The following DLG2 variants were observed in gnomAD, a reference collection of about 807,000 sequenced individuals.
DLG2 encodes the protein discs large MAGUK scaffold protein 2.
In DLG2, 45 loss-of-function variants were observed where a neutral mutation model predicts 132.5. That is an observed-to-expected ratio of 0.34 (90% CI 0.27 to 0.44). The LOEUF is 0.44. Ranked by LOEUF, DLG2 falls within the 20% of genes least tolerant of loss-of-function variation. The probability of loss-of-function intolerance (pLI) is 1.00; values close to 1 mark genes in which losing one functional copy is unlikely to be tolerated. For missense variants in DLG2, 1,045 were observed against 1,196.9 expected (o/e 0.87, Z 1.87); for synonymous variants, 424 against 419.6 (o/e 1.01, Z -0.13).
At position 84,307,512 on chromosome 11, in the gene DLG2, C is replaced by T. The variant is rs536380014; in HGVS notation, c.520-56221G>A. On this transcript the variant is annotated intron_variant, in intron 7 of 27. Transcript: ENST00000376104. ...GAGATCCAGACCATCCTGGCTAACA[C>T]GGTGAAACCCTGTCTCTACTAAAAC... 2.1e-3 allele frequency among the ~76,000 whole-genome samples: 314 copies of T among 152,064 alleles called. 21 individuals carry two copies. The South Asian group carries it at 0.063, about 31-fold the overall frequency.
intron 15 of DLG2, among the ~76,000 whole-genome samples, chr11:83,910,017 T>C (rs1344040881): frequency 6.6e-6 from 1 of 152,184 alleles, no homozygotes; most frequent in African/African-American, 2.4e-5. Flanking sequence ...TATGCTAGGC[T>C]CTAAAAACAG....
At chr11:83,488,724 T>G in intron 21 of DLG2, among the ~76,000 whole-genome samples, 1 of 152,024 alleles carries the variant, frequency 6.6e-6, no homozygotes, top group East Asian at 1.9e-4. Flanking sequence ...GATACGTCTT[T>G]TCTGTGACCC....
chr11:85,124,202 T>G (rs2074785330), intron 5 of DLG2, among the ~76,000 whole-genome samples: 1 of 152,260 alleles, frequency 6.6e-6, no homozygotes, highest in Admixed American at 6.5e-5. Context: ...GGATGTTCTT[T>G]GCCAAGACCT....
chr11:85,362,360 G>GT (rs1275460704), intron 3 of DLG2, among the ~76,000 whole-genome samples: 7 of 152,002 alleles, frequency 4.6e-5, no homozygotes, highest in Non-Finnish European at 8.8e-5. Context: ...TTGTTTTTGG[G>GT]TTTTTTGGGT....
intron 7 of DLG2, among the ~76,000 whole-genome samples, chr11:84,302,541 T>C (rs1036870881): frequency 2.0e-5 from 3 of 152,288 alleles, no homozygotes; most frequent in East Asian, 3.9e-4. Flanking sequence ...AAAATTTGTA[T>C]CTTTCACTGA....
intron 6 of DLG2, among the ~76,000 whole-genome samples, chr11:85,054,644 C>A (rs1400583665): frequency 6.6e-6 from 1 of 152,196 alleles, no homozygotes; most frequent in Non-Finnish European, 1.5e-5. Context: ...TGGATAAAGA[C>A]AATGTGCTAC....
At chr11:84,039,319 C>G (rs1300356549) in intron 11 of DLG2, among the ~76,000 whole-genome samples, 1 of 150,136 alleles carries the variant, frequency 6.7e-6, no homozygotes, top group Admixed American at 6.7e-5. Flanking sequence ...GCTGCACCCA[C>G]TAACTCGTCA....
intron 19 of DLG2, among the ~76,000 whole-genome samples, chr11:83,543,291 G>T (rs78538180): frequency 0.019 from 2,917 of 152,278 alleles, 95 homozygotes; most frequent in African/African-American, 0.065. Flanking sequence ...GCCCACTCCT[G>T]AAGCTATCAC....
chr11:84,159,707 G>GA (rs2095504475), intron 9 of DLG2, among the ~76,000 whole-genome samples: 2 of 152,046 alleles, frequency 1.3e-5, no homozygotes, highest in South Asian at 4.1e-4. Flanking sequence ...TTAACATTTT[G>GA]AAAAAAGATA....
chr11:85,493,796 A>G (rs2093614459), intron 3 of DLG2, among the ~76,000 whole-genome samples: 1 of 144,058 alleles, frequency 6.9e-6, no homozygotes, highest in African/African-American at 2.6e-5. Context: ...GGGAGGAAGG[A>G]AAGGAGGGAA....
At chr11:83,500,062 A>C (rs187368801) in intron 21 of DLG2, among the ~76,000 whole-genome samples, 29 of 150,384 alleles carry the variant, frequency 1.9e-4, no homozygotes, top group African/African-American at 7.1e-4. Flanking sequence ...GCTTGCATAT[A>C]CTCCCCTCCA....
intron 6 of DLG2, among the ~76,000 whole-genome samples, chr11:84,605,227 G>C (rs140283784): frequency 7.0e-4 from 106 of 151,990 alleles, no homozygotes; most frequent in African/African-American, 2.4e-3. Flanking sequence ...TACTACTACA[G>C]ATTGTTATGT....
At chr11:83,865,744 A>T (rs931303473) in intron 16 of DLG2, among the ~76,000 whole-genome samples, 1 of 152,150 alleles carries the variant, frequency 6.6e-6, no homozygotes, top group Admixed American at 6.6e-5. Flanking sequence ...TTAGAAAATC[A>T]TGTCTATGTC....
chr11:84,174,155 T>C (rs184887394), intron 8 of DLG2, among the ~76,000 whole-genome samples: 2,708 of 123,284 alleles, frequency 0.022, 30 homozygotes, highest in Admixed American at 0.041. Flanking sequence ...GTTAAGGAGA[T>C]TTTTTTTTTG....
chr11:83,848,123 CCT>C (rs1491512095), intron 16 of DLG2, among the ~76,000 whole-genome samples: 1 of 120,550 alleles, frequency 8.3e-6, no homozygotes, highest in African/African-American at 3.0e-5. Flanking sequence ...GTCCCCCACA[CCT>C]TTTTTTTTTT....
At chr11:84,461,949 T>TA (rs144636787) in intron 7 of DLG2, among the ~76,000 whole-genome samples, 2,152 of 149,238 alleles carry the variant, frequency 0.014, 28 homozygotes, top group Non-Finnish European at 0.023. Flanking sequence ...TCTGTAGTCC[T>TA]AAAAAAAAAT....
chr11:85,230,272 A>C (rs575824380), intron 4 of DLG2, among the ~76,000 whole-genome samples: 1 of 151,976 alleles, frequency 6.6e-6, no homozygotes, highest in Non-Finnish European at 1.5e-5. Context: ...TAAACAAAGC[A>C]TTCTCACATA....
rs149103767 is a variant in DLG2 at position 84,295,338 on chromosome 11, A to AT, written c.520-44048dup. Reference sequence around the variant, plus strand: ...TGCTTAATAGTTGGTAGTTGTTAGTATAATTATAATAGTAACATAAAGCCA... The same window carrying AT: ...TGCTTAATAGTTGGTAGTTGTTAGTATTAATTATAATAGTAACATAAAGCCA... On this transcript the variant is annotated intron_variant, in intron 7 of 27. Coordinates refer to ENST00000376104, the MANE Select transcript of DLG2 (RefSeq NM_001142699.3). Among the ~76,000 whole-genome samples the AT allele has an allele frequency of 8.4e-3, 1,283 of 152,354 alleles. 15 individuals carry two copies. Among genetic ancestry groups the AT allele is most frequent in the African/African-American group, 0.028 (1,161 of 41,576 alleles).
chr11:84,440,132 A>G (rs2099013173), intron 7 of DLG2, among the ~76,000 whole-genome samples: 1 of 152,184 alleles, frequency 6.6e-6, no homozygotes, highest in Non-Finnish European at 1.5e-5. Context: ...CCTGACCAAG[A>G]GGCTTTATAA....
Sources: allele counts gnomAD v4.1 joint callset (sites outside exome capture counted in the v4.1 genomes callset), GRCh38; gene constraint gnomAD v4.1.1; transcripts MANE v1.5; gene names NCBI Gene and HGNC (gene_info 2026-07-23, HGNC 2026-07-21).